The following ZNF585A variants were observed in gnomAD, a reference collection of about 807,000 sequenced individuals.
ZNF585A encodes zinc finger protein 585A.
In ZNF585A, 9 loss-of-function variants were observed where a neutral mutation model predicts 14.9. The ratio of observed to expected loss-of-function variants is 0.60; its 90% CI spans 0.36 to 1.05. The LOEUF (loss-of-function observed/expected upper bound fraction) is 1.05, where lower values mean the gene tolerates loss of function less well. Among genes scored for constraint, ZNF585A ranks in the 50% least tolerant of loss-of-function variants. The probability of loss-of-function intolerance (pLI) is 0.01; values close to 1 mark genes in which losing one functional copy is unlikely to be tolerated. For synonymous variants in ZNF585A, 276 were observed against 319.9 expected (o/e 0.86, Z 1.46); for missense variants, 726 against 926.4 (o/e 0.78, Z 2.81).
chr19:37,161,503 C>A (rs1201415834), intron 2 of ZNF585A, among the ~76,000 whole-genome samples: 1 of 152,126 alleles, frequency 6.6e-6, no homozygotes, highest in Admixed American at 6.6e-5. Flanking sequence ...TGAGCCTGAA[C>A]AACACAGGTT....
Position 37,156,211 on chromosome 19 carries a change from C to T in ZNF585A, c.199+18G>A, listed in dbSNP as rs768985781. On this transcript the variant is annotated intron_variant, in intron 3 of 4. Transcript: ENST00000292841. Reference sequence around the variant, plus strand: ...CTCAGTGAGGCCTCCTTTCAGATACCAAGGTGACTGTGCTTACCTACTGAG... The same window carrying T: ...CTCAGTGAGGCCTCCTTTCAGATACTAAGGTGACTGTGCTTACCTACTGAG... 3 of 1,611,882 alleles carry T rather than the reference C, an allele frequency of 1.9e-6. No homozygotes were observed. In the South Asian group the frequency reaches 3.3e-5, roughly 18 times the overall value.
chr19:37,170,717 G>A (rs537788914), intron 1 of ZNF585A, among the ~76,000 whole-genome samples: 3 of 152,248 alleles, frequency 2.0e-5, no homozygotes, highest in South Asian at 2.1e-4. Context: ...CTCCTGATCC[G>A]CTCGCCTCTG....
At chr19:37,153,706 T>A in intron 4 of ZNF585A, 100 bp from the exon 5 acceptor site, 2 of 1,093,724 alleles carry the variant, frequency 1.8e-6, no homozygotes, top group South Asian at 3.2e-5. Context: ...ACTGTATAAA[T>A]CTAAATTATG....
rs1971805083 is a variant in ZNF585A, at chr19:37,150,215, T to G, written c.*1374A>C. On this transcript the variant is annotated 3_prime_UTR_variant, in exon 5 of 5. Coordinates refer to ENST00000292841, the MANE Select transcript of ZNF585A (RefSeq NM_001288800.2). ...ATTGCCTGAGGGGAAGGAAGAAAGT[T>G]AACAGCATCCACCGTATTGAGGGCA... 6.6e-6 allele frequency: 1 copy of G among 152,078 alleles called. No homozygotes were observed. Among genetic ancestry groups the G allele is most frequent in the South Asian group, 2.1e-4 (1 of 4,816 alleles). The allele number at this position is 152,078 out of a possible 1,614,324, so 9.4% of individuals were successfully genotyped here. A position where few individuals can be genotyped will look rare whatever the true frequency, so the allele number is the denominator to read the frequency against.
At chr19:37,165,512 T>C (rs1972077577) in intron 2 of ZNF585A, 1 of 302,860 alleles carries the variant, frequency 3.3e-6, no homozygotes, top group Non-Finnish European at 4.9e-6. Flanking sequence ...TTGAGATATT[T>C]TACAATTTTA....
At chr19:37,166,476 C>A (rs762623436) in intron 2 of ZNF585A, among the ~76,000 whole-genome samples, 2 of 152,098 alleles carry the variant, frequency 1.3e-5, no homozygotes, top group African/African-American at 4.8e-5. Context: ...CGCACCACCA[C>A]ATCCGGCTAA....
Position 37,153,404 on chromosome 19 carries a change from C to T in ZNF585A, c.495G>A (p.Lys165=), listed in dbSNP as rs1259889471. The change falls in exon 5 of 5, where the codon AAG becomes AAA. Residue 165 remains lysine (K), a synonymous_variant. Coordinates refer to ENST00000292841, the MANE Select transcript of ZNF585A (RefSeq NM_001288800.2). The part of the protein sequence containing the change: ...EKLYVCIECG[K]AFVQKPEFII... The stretch of plus-strand genomic sequence containing the variant: ...TAAATTCTGGCTTCTGTACAAAAGC[C>T]TTCCCACATTCAATGCATACATAGA... 6.2e-7 allele frequency: 1 copy of T among 1,614,038 alleles called. No individual in the cohort carries two copies. The highest frequency in any genetic ancestry group is 8.5e-7 in the Non-Finnish European group (1 of 1,179,990).
At chr19:37,167,125 C>CA (rs1255200443) in intron 2 of ZNF585A, among the ~76,000 whole-genome samples, 3 of 152,116 alleles carry the variant, frequency 2.0e-5, no homozygotes, top group African/African-American at 7.2e-5. Flanking sequence ...TGAGCCACTA[C>CA]ACCCAGCCTA....
chr19:37,150,748 GA>G lies in ZNF585A; in HGVS notation c.*840del, dbSNP rs371643138. On this transcript the variant is annotated 3_prime_UTR_variant, in exon 5 of 5. Coordinates refer to ENST00000292841, the MANE Select transcript of ZNF585A (RefSeq NM_001288800.2). ...TAAGCTTCAAGTCAGTGATGAGTAC[GA>G]AAAAAAAAAAAAGGCAACTGAGTTG... 486 of 139,110 alleles carry G rather than the reference GA, an allele frequency of 3.5e-3. No homozygotes were observed. In the Middle Eastern group the frequency reaches 0.082, roughly 23 times the overall value. The allele number at this position is 139,110 out of a possible 1,614,324, so 8.6% of individuals were successfully genotyped here. A position where few individuals can be genotyped will look rare whatever the true frequency, so the allele number is the denominator to read the frequency against.
At chr19:37,166,465 G>A (rs1353127218) in intron 2 of ZNF585A, among the ~76,000 whole-genome samples, 1 of 151,818 alleles carries the variant, frequency 6.6e-6, no homozygotes, top group Non-Finnish European at 1.5e-5. Context: ...GACTACAGGT[G>A]CGCACCACCA....
rs554987705 is a variant in ZNF585A at position 37,169,836 on chromosome 19, C to T, written c.72+3G>A. On this transcript the variant is annotated splice_donor_region_variant and intron_variant, in intron 2 of 4. Coordinates refer to ENST00000292841, the MANE Select transcript of ZNF585A (RefSeq NM_001288800.2). Reference sequence around the variant, plus strand: ...CCACCCCCCTGGGACTCCTCCTTCTCACCTCATAGGAGCTGCCATGATCCT... The same window carrying T: ...CCACCCCCCTGGGACTCCTCCTTCTTACCTCATAGGAGCTGCCATGATCCT... The T allele has an allele frequency of 4.3e-6, 7 of 1,611,970 alleles. No homozygotes were observed. The highest frequency in any genetic ancestry group is 5.1e-6 in the Non-Finnish European group (6 of 1,180,000).
Position 37,151,643 on chromosome 19 carries a change from C to T in ZNF585A, c.2256G>A (p.Gly752=), listed in dbSNP as rs1447223530. The T allele has an allele frequency of 1.2e-6, 2 of 1,614,042 alleles. No individual in the cohort carries two copies. The highest frequency in any genetic ancestry group is 1.7e-6 in the Non-Finnish European group (2 of 1,179,958). Residue 752 remains glycine, a synonymous_variant, in exon 5 of 5, where the codon GGG becomes GGA. Transcript: ENST00000292841. ...ACACTGATTTCTGAACGAAGCCTTT[C>T]CCACAGATGCCACACTTGTAGGGTT... ...GDKPYKCGIC[G]KGFVQKSVFS... is the part of the protein sequence containing the mutation.
chr19:37,164,582 T>C (rs943490106), intron 2 of ZNF585A, among the ~76,000 whole-genome samples: 1 of 152,172 alleles, frequency 6.6e-6, no homozygotes, highest in Non-Finnish European at 1.5e-5. Context: ...CAAGTGCCTA[T>C]ACAACAATCC....
chr19:37,157,556 A>C (rs1194283354), intron 2 of ZNF585A, among the ~76,000 whole-genome samples: 1 of 152,222 alleles, frequency 6.6e-6, no homozygotes, highest in East Asian at 1.9e-4. Flanking sequence ...TTGAGGGAGT[A>C]AGTTGACATT....
rs375111482 is a variant in ZNF585A at position 37,152,761 on chromosome 19, T to C, written c.1138A>G (p.Lys380Glu). ...CCACAGTCACTGCATTCATAAGGTT[T>C]CTCTCCAGTGTGAATTCTCTGATGA... ...IIHQRIHTGEKPYECSDCGKA... is the reference protein window; with the variant it reads ...IIHQRIHTGEEPYECSDCGKA... The change falls in exon 5 of 5, where the codon AAA (lysine) becomes GAA (glutamate). Residue 380 changes from lysine (K) to glutamate (E), a missense_variant. Coordinates refer to ENST00000292841, the MANE Select transcript of ZNF585A (RefSeq NM_001288800.2). 11 of 1,614,116 alleles carry C rather than the reference T, an allele frequency of 6.8e-6. No homozygotes were observed. Among genetic ancestry groups the C allele is most frequent in the African/African-American group, 2.7e-5 (2 of 74,934 alleles).
At chr19:37,161,180 C>CA (rs55691375) in intron 2 of ZNF585A, among the ~76,000 whole-genome samples, 1 of 149,864 alleles carries the variant, frequency 6.7e-6, no homozygotes, top group East Asian at 1.9e-4. Context: ...AACACAGTAA[C>CA]AAAAAAAAAA....
Position 37,148,064 on chromosome 19 carries a change from A to T in ZNF585A, c.*3525T>A, listed in dbSNP as rs1971768419. The T allele has an allele frequency of 6.6e-6, 1 of 152,210 alleles. No homozygotes were observed. The highest frequency in any genetic ancestry group is 1.5e-5 in the Non-Finnish European group (1 of 68,050). The allele number at this position is 152,210 out of a possible 1,614,324, so 9.4% of individuals were successfully genotyped here. Reference sequence around the variant, plus strand: ...TGTGGAGTTGCTGAGTCATATGATAAATGTATGGTTAATAGTATAAGAAGC... The same window carrying T: ...TGTGGAGTTGCTGAGTCATATGATATATGTATGGTTAATAGTATAAGAAGC... On this transcript the variant is annotated 3_prime_UTR_variant, in exon 5 of 5. Transcript: ENST00000292841.
In ZNF585A at chr19:37,151,367, C is replaced by A; in HGVS notation, c.*222G>T. 1 of 481,464 alleles carries A rather than the reference C, an allele frequency of 2.1e-6. No homozygotes were observed. Among genetic ancestry groups the A allele is most frequent in the Non-Finnish European group, 3.7e-6 (1 of 273,606 alleles). The allele number at this position is 481,464 out of a possible 1,614,324, so 29.8% of individuals were successfully genotyped here. On this transcript the variant is annotated 3_prime_UTR_variant, in exon 5 of 5. Coordinates refer to ENST00000292841, the MANE Select transcript of ZNF585A (RefSeq NM_001288800.2). The stretch of plus-strand genomic sequence containing the variant: ...TCACCAAATTGACTCGGTTCCTTGT[C>A]AGTATGAATAATGACCCAAGGTTTA...
chr19:37,164,833 CAGTT>C (rs1177814844), intron 2 of ZNF585A, among the ~76,000 whole-genome samples: 2 of 152,094 alleles, frequency 1.3e-5, no homozygotes, highest in African/African-American at 4.8e-5. Flanking sequence ...CCACCACACT[CAGTT>C]AATTTTGGTT....
Sources: gnomAD v4.1 joint callset for allele counts (sites outside exome capture counted in the v4.1 genomes callset) on GRCh38, gnomAD v4.1.1 for gene constraint, MANE v1.5 for transcripts, NCBI Gene and HGNC (gene_info 2026-07-23, HGNC 2026-07-21) for gene names.